The following INPP5D variants were observed in gnomAD, a reference collection of about 807,000 sequenced individuals.
The protein encoded by INPP5D is phosphatidylinositol 3,4,5-trisphosphate 5-phosphatase 1.
A neutral mutation model predicts 122.9 loss-of-function variants in INPP5D; 33 were observed. The ratio of observed to expected loss-of-function variants is 0.27; its 90% CI spans 0.20 to 0.36. INPP5D has a LOEUF of 0.36. Ranked by LOEUF, INPP5D falls within the 10% of genes least tolerant of loss-of-function variation. INPP5D has a pLI of 1.00. For missense variants in INPP5D, 1,053 were observed against 1,412.7 expected (o/e 0.75, Z 4.08); for synonymous variants, 584 against 576.2 (o/e 1.01, Z -0.19).
chr2:233,069,079 G>C (rs1691307942), intron 1 of INPP5D, among the ~76,000 whole-genome samples: 2 of 152,234 alleles, frequency 1.3e-5, no homozygotes, highest in South Asian at 4.1e-4. Context: ...ACTCAGGCTT[G>C]ACAGGTGCGG....
chr2:233,184,408 G>C lies in INPP5D; in HGVS notation c.2162G>C (p.Gly721Ala). The C allele has an allele frequency of 6.2e-7, 1 of 1,613,866 alleles. No homozygotes were observed. Among genetic ancestry groups the C allele is most frequent in the Non-Finnish European group, 8.5e-7 (1 of 1,179,856 alleles). ...GAATCCGTGTTCTCCCCTGTTCCAG[G>C]TCCCGGGACTGTTGACAGCCAAGGA... Reference protein sequence around the residue: ...GVTSQFVSKNGPGTVDSQGQI... With the variant: ...GVTSQFVSKNAPGTVDSQGQI... The change falls in exon 20 of 27, where the codon GGT (glycine) becomes GCT (alanine). Residue 721 changes from glycine (G) to alanine (A), a missense_variant and splice_region_variant. Physicochemically the swap from Gly to Ala is moderately conservative, Grantham distance 60 (BLOSUM62 0). Transcript: ENST00000445964.
chr2:233,158,090 T>C (rs942197521), intron 9 of INPP5D, among the ~76,000 whole-genome samples: 1 of 152,130 alleles, frequency 6.6e-6, no homozygotes, highest in African/African-American at 2.4e-5. Context: ...CTGTCTCTGC[T>C]CTGGACAGGC....
At chr2:233,156,418 T>A (rs1410255358) in intron 9 of INPP5D, among the ~76,000 whole-genome samples, 1 of 152,196 alleles carries the variant, frequency 6.6e-6, no homozygotes, top group East Asian at 1.9e-4. Context: ...GCCTCCTGAG[T>A]GGCTGGGACT....
chr2:233,080,961 C>T (rs1224037912), intron 2 of INPP5D, among the ~76,000 whole-genome samples: 1 of 152,206 alleles, frequency 6.6e-6, no homozygotes, highest in Non-Finnish European at 1.5e-5. Flanking sequence ...TAGGCTCAAG[C>T]AGAACCACTC....
intron 1 of INPP5D, among the ~76,000 whole-genome samples, chr2:233,072,699 G>A (rs1407465988): frequency 2.0e-5 from 3 of 152,128 alleles, no homozygotes; most frequent in Non-Finnish European, 2.9e-5. Context: ...TAAGTTATAC[G>A]TAATTTTCAG....
chr2:233,171,022 A>G, intron 16 of INPP5D, 42 bp from the exon 17 acceptor site: 1 of 1,606,908 alleles, frequency 6.2e-7, no homozygotes, highest in Non-Finnish European at 8.5e-7. Context: ...CAGATGCAAA[A>G]CCTGGGGAAT....
intron 18 of INPP5D, 31 bp from the exon 19 acceptor site, chr2:233,182,379 C>A: frequency 1.2e-6 from 2 of 1,612,404 alleles, no homozygotes; most frequent in South Asian, 1.1e-5. Context: ...CTTCTCCTTC[C>A]CTGCTTAAAA....
intron 5 of INPP5D, among the ~76,000 whole-genome samples, chr2:233,136,457 T>A (rs1349786092): frequency 6.8e-6 from 1 of 147,056 alleles, no homozygotes; most frequent in East Asian, 2.0e-4. Context: ...CCAGGCTGGA[T>A]GACAGAGCGA....
chr2:233,206,494 T>C lies in INPP5D; in HGVS notation c.3568-212T>C, dbSNP rs919693735. 6.6e-6 allele frequency among the ~76,000 whole-genome samples: 1 copy of C among 152,126 alleles called. No homozygotes were observed. Among genetic ancestry groups the C allele is most frequent in the Non-Finnish European group, 1.5e-5 (1 of 68,020 alleles). ...GTGAGCTATGATTGCACCACTGCAC[T>C]CCAGACTAGGCAACAGAGTAAGACC... On this transcript the variant is annotated intron_variant, in intron 26 of 26. Transcript: ENST00000445964. This position sits in a 1 kb window ranked among gnomAD's most constrained non-coding sequence, Gnocchi z 4.0.
At chr2:233,104,372 T>A (rs1407395207) in intron 2 of INPP5D, among the ~76,000 whole-genome samples, 1 of 152,214 alleles carries the variant, frequency 6.6e-6, no homozygotes, top group East Asian at 1.9e-4. Context: ...AACACTGAGG[T>A]AAATGCACAA....
At chr2:233,094,452 G>T (rs1647719396) in intron 2 of INPP5D, among the ~76,000 whole-genome samples, 1 of 132,494 alleles carries the variant, frequency 7.5e-6, no homozygotes, top group Non-Finnish European at 1.5e-5. Context: ...GGTAGAGGTT[G>T]CAGTGAGCTG....
intron 2 of INPP5D, among the ~76,000 whole-genome samples, chr2:233,108,907 T>C (rs1263726768): frequency 2.0e-5 from 3 of 152,220 alleles, no homozygotes; most frequent in Non-Finnish European, 4.4e-5. Context: ...TTGCAGCTTC[T>C]GCATGGCAGA....
At position 233,060,621 on chromosome 2, in the gene INPP5D, A is replaced by G. The variant is rs1443106882; in HGVS notation, c.134+9A>G. Reference sequence around the variant, plus strand: ...TACGCGCTCTGCGTGCTGTGAGTACAACCTGCTCCCTCCCCGGGCACAGAT... The same window carrying G: ...TACGCGCTCTGCGTGCTGTGAGTACGACCTGCTCCCTCCCCGGGCACAGAT... On this transcript the variant is annotated intron_variant, in intron 1 of 26. Coordinates refer to ENST00000445964, the MANE Select transcript of INPP5D (RefSeq NM_001017915.3). 1 of 1,613,606 alleles carries G rather than the reference A, an allele frequency of 6.2e-7. No individual in the cohort carries two copies. Among genetic ancestry groups the G allele is most frequent in the Admixed American group, 1.7e-5 (1 of 60,014 alleles).
chr2:233,144,416 G>T (rs1693697475), intron 6 of INPP5D, among the ~76,000 whole-genome samples: 1 of 148,754 alleles, frequency 6.7e-6, no homozygotes, highest in Admixed American at 6.7e-5. Context: ...GGAGATGGTG[G>T]TAGTGATGGT....
intron 6 of INPP5D, 100 bp downstream of exon 6, chr2:233,140,029 C>T: frequency 2.5e-6 from 1 of 392,278 alleles, no homozygotes; most frequent in Non-Finnish European, 4.5e-6. Flanking sequence ...GAGCACTGCC[C>T]ATTGTGTGTT....
chr2:233,060,469 C>T lies in INPP5D; in HGVS notation c.-10C>T. 2 of 1,597,116 alleles carry T rather than the reference C, an allele frequency of 1.3e-6. No homozygotes were observed. The highest frequency in any genetic ancestry group is 1.7e-6 in the Non-Finnish European group (2 of 1,171,158). On this transcript the variant is annotated 5_prime_UTR_variant, in exon 1 of 27. Coordinates refer to ENST00000445964, the MANE Select transcript of INPP5D (RefSeq NM_001017915.3). ...GCCTGCCGGCCCGGCCGAGGAGGCC[C>T]ACGCCCACCATGGTCCCCTGCTGGA...
chr2:233,189,164 C>T lies in INPP5D; in HGVS notation c.2359-686C>T, dbSNP rs1657552825. ...CAAAGCCTGTTAGCAGCCACCCCCG[C>T]TGCCAGCCAGGCCAGCAGGGCCTCT... is the stretch of plus-strand genomic sequence containing the variant. On this transcript the variant is annotated intron_variant, in intron 21 of 26. Coordinates refer to ENST00000445964, the MANE Select transcript of INPP5D (RefSeq NM_001017915.3). This position sits in a 1 kb window ranked among gnomAD's most constrained non-coding sequence, Gnocchi z 5.6. Among the ~76,000 whole-genome samples the T allele has an allele frequency of 6.6e-6, 1 of 152,222 alleles. No homozygotes were observed. Among genetic ancestry groups the T allele is most frequent in the Non-Finnish European group, 1.5e-5 (1 of 68,038 alleles).
intron 2 of INPP5D, among the ~76,000 whole-genome samples, chr2:233,117,290 G>T (rs911725660): frequency 1.3e-5 from 2 of 152,172 alleles, no homozygotes; most frequent in Admixed American, 6.5e-5. Flanking sequence ...GAACCTGGAC[G>T]CTTCATCGGG....
At chr2:233,140,510 A>G (rs1429819023) in intron 6 of INPP5D, 3 of 152,226 alleles carry the variant, frequency 2.0e-5, no homozygotes, top group African/African-American at 7.2e-5. Flanking sequence ...TCATGTTTAT[A>G]TTATTATTTT....
Sources: allele counts gnomAD v4.1 joint callset (sites outside exome capture counted in the v4.1 genomes callset), GRCh38; gene constraint gnomAD v4.1.1; non-coding constraint Gnocchi (gnomAD v3.1); transcripts MANE v1.5; gene names NCBI Gene and HGNC (gene_info 2026-07-23, HGNC 2026-07-21).